Variants in HOMER2 observed in about 807,000 individuals in gnomAD.
HOMER2 encodes the protein homer protein homolog 2.
A neutral mutation model predicts 47.0 loss-of-function variants in HOMER2; 27 were observed. The observed-to-expected ratio is 0.57, with a 90% CI of 0.42 to 0.79. The LOEUF is 0.79. Ranked by LOEUF, HOMER2 falls within the 30% of genes least tolerant of loss-of-function variation. The pLI, the probability that HOMER2 is intolerant of heterozygous loss-of-function variation, is 0.00. For missense variants in HOMER2, 443 were observed against 435.0 expected (o/e 1.02, Z -0.16); for synonymous variants, 161 against 163.8 (o/e 0.98, Z 0.13).
chr15:82,872,266 C>A (rs976791398), intron 3 of HOMER2, among the ~76,000 whole-genome samples: 11 of 152,152 alleles, frequency 7.2e-5, no homozygotes, highest in Non-Finnish European at 1.3e-4. Flanking sequence ...TAAACAAATT[C>A]TCTCTGCTCC....
intron 2 of HOMER2, among the ~76,000 whole-genome samples, chr15:82,876,433 AG>A (rs757641107): frequency 6.6e-6 from 1 of 152,250 alleles, no homozygotes; most frequent in Non-Finnish European, 1.5e-5. Flanking sequence ...AATGGCAAGT[AG>A]TCAGGAAGAG....
rs774125337 is a variant in HOMER2 at position 82,890,773 on chromosome 15, C to T, written c.162+1912G>A. Among the ~76,000 whole-genome samples, 18 of 152,236 alleles carry T rather than the reference C, an allele frequency of 1.2e-4. 1 individual carries two copies. In the Middle Eastern group the frequency reaches 0.017, roughly 144 times the overall value. ...TCAACTGACAAAAGTACAAACCCAT[C>T]GAAGGATGGCAGATGAACTGGCAGA... On this transcript the variant is annotated intron_variant, in intron 2 of 8. Coordinates refer to ENST00000450735, the MANE Select transcript of HOMER2 (RefSeq NM_004839.4).
intron 3 of HOMER2, among the ~76,000 whole-genome samples, chr15:82,869,116 T>A (rs932550213): frequency 6.6e-6 from 1 of 152,194 alleles, no homozygotes; most frequent in Admixed American, 6.5e-5. Context: ...CTACAGGGTA[T>A]CCCTGCTTTG....
intron 1 of HOMER2, among the ~76,000 whole-genome samples, chr15:82,922,551 G>A (rs1198646694): frequency 6.6e-6 from 1 of 152,180 alleles, no homozygotes; most frequent in Non-Finnish European, 1.5e-5. Context: ...TGCTGGCTCG[G>A]AAGAAGCCGA....
At chr15:82,873,558 T>C (rs1362601489) in intron 3 of HOMER2, among the ~76,000 whole-genome samples, 1 of 152,146 alleles carries the variant, frequency 6.6e-6, no homozygotes, top group Non-Finnish European at 1.5e-5. Context: ...GCCCAGGAAG[T>C]GAGGGATTGT....
At chr15:82,947,035 A>C (rs79690503) in intron 1 of HOMER2, among the ~76,000 whole-genome samples, 1,780 of 152,342 alleles carry the variant, frequency 0.012, 34 homozygotes, top group African/African-American at 0.041. Flanking sequence ...CCTTTTCAAA[A>C]TATAAGCTCC....
chr15:82,868,541 A>ATATATATATATATTTT, intron 3 of HOMER2, among the ~76,000 whole-genome samples: 8 of 71,252 alleles, frequency 1.1e-4, no homozygotes, highest in South Asian at 4.9e-4. Flanking sequence ...ATATATATAT[A>ATATATATATATATTTT]TTTTTTTTTT....
At chr15:82,953,714 A>T (rs1241704803), upstream of HOMER2, among the ~76,000 whole-genome samples, 2 of 152,114 alleles carry the variant, frequency 1.3e-5, no homozygotes, top group Non-Finnish European at 2.9e-5. Context: ...TCTACTAAAA[A>T]TACACACACA....
chr15:82,915,555 C>A (rs4843147), intron 1 of HOMER2, among the ~76,000 whole-genome samples: 87,581 of 151,922 alleles, frequency 0.58, 27,037 homozygotes, highest in African/African-American at 0.8. Flanking sequence ...AACAAACAAA[C>A]AAACAAAATT....
chr15:82,895,127 G>C (rs971013992), intron 1 of HOMER2, among the ~76,000 whole-genome samples: 2 of 152,180 alleles, frequency 1.3e-5, no homozygotes, highest in Non-Finnish European at 2.9e-5. Flanking sequence ...GCTGTTTACA[G>C]AGGCCAGCAT....
At chr15:82,863,187 AACCCCCTCCCC>A (rs1008071348) in intron 4 of HOMER2, among the ~76,000 whole-genome samples, 61 of 152,036 alleles carry the variant, frequency 4.0e-4, no homozygotes, top group Non-Finnish European at 7.2e-4. Context: ...CCTCATTTGC[AACCCCCTCCCC>A]GGGCTTCCCT....
intron 1 of HOMER2, chr15:82,952,125 C>A (rs2054518762): frequency 1.2e-6 from 1 of 831,822 alleles, no homozygotes. Flanking sequence ...CTTCGATTTC[C>A]ATTTTGCTTG....
Position 82,852,159 on chromosome 15 carries a change from G to A in HOMER2, c.745C>T (p.Leu249Phe). The part of the protein sequence containing the change: ...KRRIEELEAE[L>F]REKETELKDL... ...TTACTCACTGTCTCCTTTTCTCGGA[G>A]CTCTGCCTCCAGCTCCTCGATCCTC... The change falls in exon 7 of 9, where the codon CTC (leucine) becomes TTC (phenylalanine). Residue 249 changes from leucine to phenylalanine, a missense_variant. Coordinates refer to ENST00000450735, the MANE Select transcript of HOMER2 (RefSeq NM_004839.4). The A allele has an allele frequency of 6.2e-7, 1 of 1,613,408 alleles. No individual in the cohort carries two copies. The highest frequency in any genetic ancestry group is 8.5e-7 in the Non-Finnish European group (1 of 1,179,368).
In HOMER2 at chr15:82,862,874, C is replaced by T. The variant is rs191176551; in HGVS notation, c.387+1293G>A. 2.0e-3 allele frequency among the ~76,000 whole-genome samples: 300 copies of T among 152,272 alleles called. 2 individuals are homozygous for T. Among genetic ancestry groups the T allele is most frequent in the African/African-American group, 6.5e-3 (272 of 41,550 alleles). ...CCTGTCCCAAGGGTCGGCCACAGCA[C>T]TGACAAACCCAGGGTCCCTGTCAGC... On this transcript the variant is annotated intron_variant, in intron 4 of 8. Transcript: ENST00000450735.
chr15:82,957,944 T>A (rs192104307), downstream of HOMER2, among the ~76,000 whole-genome samples: 165 of 152,332 alleles, frequency 1.1e-3, 1 homozygote, highest in African/African-American at 3.8e-3. Flanking sequence ...TTCAAGCGAT[T>A]CTTCTGCCTC....
chr15:82,889,502 C>T (rs1276113854), intron 2 of HOMER2, among the ~76,000 whole-genome samples: 1 of 152,200 alleles, frequency 6.6e-6, no homozygotes, highest in African/African-American at 2.4e-5. Flanking sequence ...GACAAGAGCC[C>T]ATAAGGAGAA....
In HOMER2 at chr15:82,854,860, G is replaced by T. The variant is rs757691102; in HGVS notation, c.495-60C>A. 1.9e-6 allele frequency: 3 copies of T among 1,561,776 alleles called. No individual in the cohort carries two copies. The African/African-American group carries it at 4.0e-5, about 21-fold the overall frequency. On this transcript the variant is annotated intron_variant, in intron 5 of 8. Coordinates refer to ENST00000450735, the MANE Select transcript of HOMER2 (RefSeq NM_004839.4). ...GGTGCTGTCCCGTCTGGCTCCGCCC[G>T]CGTGGGGAAGGGGACTCCGCCATCC...
intron 3 of HOMER2, among the ~76,000 whole-genome samples, chr15:82,869,033 T>C (rs1199784849): frequency 6.6e-6 from 1 of 152,164 alleles, no homozygotes; most frequent in African/African-American, 2.4e-5. Context: ...TGCCCCTTAA[T>C]TTGCATGTAA....
At chr15:82,923,870 C>G (rs1358034061) in intron 1 of HOMER2, among the ~76,000 whole-genome samples, 1 of 152,144 alleles carries the variant, frequency 6.6e-6, no homozygotes, top group African/African-American at 2.4e-5. Context: ...ATGCGCCCTG[C>G]CTGGTCTGAA....
Sources: gnomAD v4.1 joint callset for allele counts (sites outside exome capture counted in the v4.1 genomes callset) on GRCh38, gnomAD v4.1.1 for gene constraint, MANE v1.5 for transcripts, NCBI Gene and HGNC (gene_info 2026-07-23, HGNC 2026-07-21) for gene names.